The following PAN3 variants were observed in gnomAD, a reference collection of about 807,000 sequenced individuals.
PAN3 encodes the protein PAN2-PAN3 deadenylation complex subunit PAN3.
A neutral mutation model predicts 96.2 loss-of-function variants in PAN3; 19 were observed. The ratio of observed to expected loss-of-function variants is 0.20; its 90% CI spans 0.14 to 0.29. The LOEUF is 0.29. Ranked by LOEUF, PAN3 falls within the 10% of genes least tolerant of loss-of-function variation. PAN3 has a pLI of 1.00. For synonymous variants in PAN3, 433 were observed against 406.6 expected, an observed-to-expected ratio of 1.06 and a Z score of -0.78; for missense variants, 882 against 1,108.1, an observed-to-expected ratio of 0.80 and a Z score of 2.90.
intron 1 of PAN3, among the ~76,000 whole-genome samples, chr13:28,169,179 T>G (rs930359074): frequency 6.6e-6 from 1 of 151,710 alleles, no homozygotes; most frequent in Admixed American, 6.6e-5. Context: ...TAATTTAAAT[T>G]TAAAAGTATT....
chr13:28,240,399 C>G (rs1593540427), intron 6 of PAN3, among the ~76,000 whole-genome samples: 1 of 152,064 alleles, frequency 6.6e-6, no homozygotes, highest in South Asian at 2.1e-4. Flanking sequence ...TAGAAAATCC[C>G]AAAGCTGTGT....
intron 6 of PAN3, among the ~76,000 whole-genome samples, chr13:28,232,266 T>TA (rs1378849851): frequency 6.6e-6 from 1 of 152,060 alleles, no homozygotes; most frequent in Non-Finnish European, 1.5e-5. Flanking sequence ...GACAGCAAAA[T>TA]AAGAGTAGAA....
chr13:28,154,818 T>C (rs541249098), intron 1 of PAN3, among the ~76,000 whole-genome samples: 18 of 150,302 alleles, frequency 1.2e-4, no homozygotes, highest in East Asian at 3.9e-4. Flanking sequence ...TTTTTTTTTT[T>C]TTTTCTTTTC....
intron 5 of PAN3, chr13:28,216,002 T>G: frequency 1.5e-6 from 1 of 683,128 alleles, no homozygotes; most frequent in Non-Finnish European, 2.6e-6. Context: ...AAAAGACTGG[T>G]TAAAGATAAC....
chr13:28,187,843 GC>G (rs1312353057), intron 4 of PAN3, among the ~76,000 whole-genome samples: 1 of 151,978 alleles, frequency 6.6e-6, no homozygotes. Context: ...ACAGGCACAT[GC>G]CACCATGCCC....
intron 9 of PAN3, among the ~76,000 whole-genome samples, chr13:28,261,832 C>CAAAAAA (rs10636889): frequency 8.9e-6 from 1 of 112,672 alleles, no homozygotes; most frequent in African/African-American, 3.6e-5. Context: ...GACCCTGTCT[C>CAAAAAA]AAAAAAAAAA....
chr13:28,283,498 A>G (rs1868553059), intron 17 of PAN3, among the ~76,000 whole-genome samples: 1 of 152,230 alleles, frequency 6.6e-6, no homozygotes, highest in Admixed American at 6.6e-5. Flanking sequence ...ATCAGTCTAT[A>G]TTTTTAGTTT....
intron 1 of PAN3, among the ~76,000 whole-genome samples, chr13:28,174,070 G>A (rs376992000): frequency 1.5e-3 from 225 of 152,268 alleles, no homozygotes; most frequent in African/African-American, 5.1e-3. Context: ...ATTTCTGTGG[G>A]AAATAATTAG....
At position 28,222,837 on chromosome 13, in the gene PAN3, C is replaced by T. The variant is rs113923104; in HGVS notation, c.1000+2459C>T. 9.8e-3 allele frequency among the ~76,000 whole-genome samples: 1,488 copies of T among 152,038 alleles called. 16 individuals are homozygous for T. Among genetic ancestry groups the T allele is most frequent in the African/African-American group, 0.034 (1,421 of 41,458 alleles). The stretch of plus-strand genomic sequence containing the variant: ...AAGTTTTTAATTTAAAGTTTCTATC[C>T]CCAAAACTATTGCCCTCGAAAGTAT... On this transcript the variant is annotated intron_variant, in intron 6 of 18. Coordinates refer to ENST00000380958, the MANE Select transcript of PAN3 (RefSeq NM_175854.8).
chr13:28,175,637 G>T (rs745321076), intron 2 of PAN3, among the ~76,000 whole-genome samples: 1 of 152,036 alleles, frequency 6.6e-6, no homozygotes, highest in Non-Finnish European at 1.5e-5. Context: ...AACTTATTTC[G>T]TGTAGATATG....
chr13:28,141,456 T>TTTTTTC (rs1258494176), intron 1 of PAN3, among the ~76,000 whole-genome samples: 1 of 143,864 alleles, frequency 7.0e-6, no homozygotes, highest in African/African-American at 2.7e-5. Context: ...TTCTTTTTCT[T>TTTTTTC]TTTTTCTTTT....
chr13:28,210,517 G>A (rs1879903006), intron 5 of PAN3, among the ~76,000 whole-genome samples: 5 of 152,002 alleles, frequency 3.3e-5, no homozygotes, highest in South Asian at 2.1e-4. Context: ...TGCTTAAATC[G>A]GAGGGCTTAG....
rs45506196 is a variant in PAN3, at chr13:28,221,912, C to T, written c.1000+1534C>T. Among the ~76,000 whole-genome samples, 1,044 of 152,268 alleles carry T rather than the reference C, an allele frequency of 6.9e-3. 11 individuals carry two copies. Among genetic ancestry groups the T allele is most frequent in the African/African-American group, 0.024 (1,009 of 41,546 alleles). ...AAATGAGCTACACATCTTAAAATTTCTTAGGCATTGTCTAGACTTCTGAGC... is the reference window on the plus strand; with the variant it reads ...AAATGAGCTACACATCTTAAAATTTTTTAGGCATTGTCTAGACTTCTGAGC... On this transcript the variant is annotated intron_variant, in intron 6 of 18. Coordinates refer to ENST00000380958, the MANE Select transcript of PAN3 (RefSeq NM_175854.8).
At chr13:28,153,028 A>G (rs1223425160) in intron 1 of PAN3, among the ~76,000 whole-genome samples, 1 of 152,146 alleles carries the variant, frequency 6.6e-6, no homozygotes, top group Admixed American at 6.6e-5. Context: ...TTCTATGGAA[A>G]CACAGGATAT....
At chr13:28,175,500 C>A (rs1213535046) in intron 2 of PAN3, among the ~76,000 whole-genome samples, 2 of 152,170 alleles carry the variant, frequency 1.3e-5, no homozygotes, top group Non-Finnish European at 2.9e-5. Context: ...CCTGCCGTGG[C>A]CTCCCAAAGG....
intron 18 of PAN3, among the ~76,000 whole-genome samples, chr13:28,288,680 T>C (rs184562900): frequency 1.3e-5 from 2 of 152,334 alleles, no homozygotes; most frequent in Admixed American, 6.5e-5. Flanking sequence ...TTATGCAATG[T>C]TTTATTTACA....
chr13:28,267,316 T>C lies in PAN3; in HGVS notation c.1707T>C (p.Tyr569=). 2 of 1,613,846 alleles carry C rather than the reference T, an allele frequency of 1.2e-6. No homozygotes were observed. Among genetic ancestry groups the C allele is most frequent in the African/African-American group, 1.3e-5 (1 of 75,032 alleles). ...AFAEPSLVFA[Y]DFHAGGETMM... is the part of the protein sequence containing the mutation. ...TATTTTAAGCTCTTGTGTTTGCATATGATTTCCATGCTGGAGGAGAAACTA... is the reference window on the plus strand; with the variant it reads ...TATTTTAAGCTCTTGTGTTTGCATACGATTTCCATGCTGGAGGAGAAACTA... Residue 569 remains tyrosine, a synonymous_variant, in exon 12 of 19, where the codon TAT becomes TAC. Transcript: ENST00000380958.
chr13:28,161,781 T>C (rs1468879767), intron 1 of PAN3, among the ~76,000 whole-genome samples: 2 of 152,210 alleles, frequency 1.3e-5, no homozygotes, highest in Non-Finnish European at 2.9e-5. Context: ...AATTGCTGTT[T>C]TCTGACAGTT....
At chr13:28,176,821 A>G (rs1229003212) in intron 3 of PAN3, among the ~76,000 whole-genome samples, 2 of 152,114 alleles carry the variant, frequency 1.3e-5, no homozygotes, top group Non-Finnish European at 2.9e-5. Flanking sequence ...AACTTGGGCA[A>G]TATAACAAGA....
Sources: allele counts gnomAD v4.1 joint callset (sites outside exome capture counted in the v4.1 genomes callset), GRCh38; gene constraint gnomAD v4.1.1; transcripts MANE v1.5; gene names NCBI Gene and HGNC (gene_info 2026-07-23, HGNC 2026-07-21).